The following TNFSF4 variants were observed in gnomAD, a reference collection of about 807,000 sequenced individuals.
The protein encoded by TNFSF4 is tumor necrosis factor ligand superfamily member 4.
TNFSF4 carries 4 observed loss-of-function variants against 7.3 expected under a neutral mutation model. That is an observed-to-expected ratio of 0.55 (90% CI 0.27 to 1.25). TNFSF4 has a LOEUF of 1.25. Ranked by LOEUF, TNFSF4 falls within the 50% of genes most tolerant of loss-of-function variation. TNFSF4 has a pLI of 0.12. For synonymous variants in TNFSF4, 76 were observed against 83.7 expected, an observed-to-expected ratio of 0.91 and a Z score of 0.50; for missense variants, 181 against 208.8, an observed-to-expected ratio of 0.87 and a Z score of 0.82.
At chr1:173,338,362 A>G in the TNFSF4 span, among the ~76,000 whole-genome samples, 2 of 152,210 alleles carry the variant, frequency 1.3e-5, no homozygotes, top group Admixed American at 6.5e-5. Flanking sequence ...TGGTATTTCA[A>G]ACAGCATTGT....
upstream of TNFSF4, among the ~76,000 whole-genome samples, chr1:173,210,651 T>A (rs940553905): frequency 6.6e-6 from 1 of 152,086 alleles, no homozygotes; most frequent in Admixed American, 6.5e-5. Flanking sequence ...ATGATATGAT[T>A]ACATTTTAGA....
chr1:173,243,007 G>GGGGC, the TNFSF4 span, among the ~76,000 whole-genome samples: 1 of 103,402 alleles, frequency 9.7e-6, no homozygotes, highest in Non-Finnish European at 2.1e-5. Context: ...TGGTGGGTGG[G>GGGGC]GGGGGGGGGG....
chr1:173,173,455 A>G, the TNFSF4 span, among the ~76,000 whole-genome samples: 1 of 152,212 alleles, frequency 6.6e-6, no homozygotes, highest in Non-Finnish European at 1.5e-5. Flanking sequence ...TGACCAAAAC[A>G]AAGGGGCTAC....
the TNFSF4 span, among the ~76,000 whole-genome samples, chr1:173,365,130 G>C: frequency 6.7e-6 from 1 of 149,846 alleles, no homozygotes; most frequent in Non-Finnish European, 1.5e-5. Context: ...ATCATTCTTA[G>C]GTGAGAAGTC....
the TNFSF4 span, among the ~76,000 whole-genome samples, chr1:173,357,712 A>G: frequency 6.6e-6 from 1 of 152,036 alleles, no homozygotes; most frequent in African/African-American, 2.4e-5. Context: ...TTGTATTTTT[A>G]GTAGAGAAGG....
chr1:173,263,412 T>C, the TNFSF4 span, among the ~76,000 whole-genome samples: 20 of 152,384 alleles, frequency 1.3e-4, no homozygotes, highest in African/African-American at 4.6e-4. Flanking sequence ...GGTCTCTTTC[T>C]GAGTTATATC....
chr1:173,244,095 G>A, the TNFSF4 span, among the ~76,000 whole-genome samples: 11,181 of 152,214 alleles, frequency 0.073, 671 homozygotes, highest in African/African-American at 0.17. Flanking sequence ...AACATTCAAA[G>A]AGTGAAGTTT....
intron 1 of TNFSF4, among the ~76,000 whole-genome samples, chr1:173,197,917 C>T (rs1040455874): frequency 2.0e-5 from 3 of 152,048 alleles, no homozygotes; most frequent in African/African-American, 4.8e-5. Flanking sequence ...AAATTCCAAA[C>T]GTTGATCTGT....
the TNFSF4 span, among the ~76,000 whole-genome samples, chr1:173,219,646 A>C: frequency 6.7e-6 from 1 of 149,810 alleles, no homozygotes; most frequent in African/African-American, 2.5e-5. Flanking sequence ...CCATCAATCA[A>C]CAAGTGGATA....
At chr1:173,254,692 T>A in the TNFSF4 span, among the ~76,000 whole-genome samples, 1 of 152,218 alleles carries the variant, frequency 6.6e-6, no homozygotes, top group Non-Finnish European at 1.5e-5. Flanking sequence ...TCAAGGGTGA[T>A]GGGGGTAAAC....
chr1:173,288,968 CT>C, the TNFSF4 span, among the ~76,000 whole-genome samples: 3 of 151,948 alleles, frequency 2.0e-5, no homozygotes, highest in African/African-American at 7.3e-5. Context: ...TAAGAGACCC[CT>C]ATGCCTACTC....
chr1:173,193,338 A>G (rs915628387), intron 1 of TNFSF4, among the ~76,000 whole-genome samples: 6 of 152,220 alleles, frequency 3.9e-5, no homozygotes, highest in African/African-American at 1.4e-4. Flanking sequence ...AAGAGTCCAC[A>G]CCATACTCAA....
At chr1:173,449,863 C>T in the TNFSF4 span, among the ~76,000 whole-genome samples, 2 of 152,038 alleles carry the variant, frequency 1.3e-5, no homozygotes, top group Non-Finnish European at 2.9e-5. Flanking sequence ...TCTAAGCTTG[C>T]AAGTGACAAA....
At chr1:173,387,709 G>A in the TNFSF4 span, among the ~76,000 whole-genome samples, 1 of 152,136 alleles carries the variant, frequency 6.6e-6, no homozygotes, top group South Asian at 2.1e-4. Context: ...TAAAATATCA[G>A]GTTTTTAGAG....
At chr1:173,439,893 A>G in the TNFSF4 span, among the ~76,000 whole-genome samples, 3 of 152,186 alleles carry the variant, frequency 2.0e-5, no homozygotes, top group African/African-American at 7.2e-5. Context: ...GAAAGCTTAC[A>G]TGCTGATCAA....
chr1:173,195,239 A>G (rs1337244702), intron 1 of TNFSF4, among the ~76,000 whole-genome samples: 1 of 152,236 alleles, frequency 6.6e-6, no homozygotes, highest in Non-Finnish European at 1.5e-5. Context: ...TTAAATATTA[A>G]TTTTTGAATA....
chr1:173,214,559 T>C, the TNFSF4 span, among the ~76,000 whole-genome samples: 1 of 152,080 alleles, frequency 6.6e-6, no homozygotes, highest in African/African-American at 2.4e-5. Flanking sequence ...TACAATACAA[T>C]AACACTAATG....
chr1:173,262,598 CTTTTTT>C, the TNFSF4 span, among the ~76,000 whole-genome samples: 2 of 105,038 alleles, frequency 1.9e-5, no homozygotes, highest in Non-Finnish European at 3.7e-5. Flanking sequence ...CCAAAAGATT[CTTTTTT>C]TTTTTTTTTT....
At chr1:173,365,810 C>G in the TNFSF4 span, among the ~76,000 whole-genome samples, 2 of 152,128 alleles carry the variant, frequency 1.3e-5, no homozygotes, top group Non-Finnish European at 1.5e-5. Flanking sequence ...GGGGTATGAT[C>G]TGCATGATGT....
Sources: gnomAD v4.1 joint callset for allele counts (sites outside exome capture counted in the v4.1 genomes callset) on GRCh38, gnomAD v4.1.1 for gene constraint, MANE v1.5 for transcripts, NCBI Gene and HGNC (gene_info 2026-07-23, HGNC 2026-07-21) for gene names.